The following GRIK4 variants were observed in gnomAD, a reference collection of about 807,000 sequenced individuals.
GRIK4 encodes glutamate receptor ionotropic, kainate 4.
A neutral mutation model predicts 104.9 loss-of-function variants in GRIK4; 40 were observed. The ratio of observed to expected loss-of-function variants is 0.38; its 90% CI spans 0.30 to 0.50. The LOEUF is 0.50. Among genes scored for constraint, GRIK4 ranks in the 20% least tolerant of loss-of-function variants. The probability of loss-of-function intolerance (pLI) is 0.93; values close to 1 mark genes in which losing one functional copy is unlikely to be tolerated. For missense variants in GRIK4, 1,047 were observed against 1,308.1 expected (o/e 0.80, Z 3.08); for synonymous variants, 485 against 524.9 (o/e 0.92, Z 1.04).
intron 1 of GRIK4, among the ~76,000 whole-genome samples, chr11:120,532,750 G>A (rs1444553107): frequency 2.6e-5 from 4 of 152,202 alleles, no homozygotes; most frequent in South Asian, 2.1e-4. Context: ...CTCAACCAGA[G>A]TTTTCTGAAG....
At chr11:120,548,981 G>A (rs1478484484) in intron 1 of GRIK4, among the ~76,000 whole-genome samples, 5 of 152,218 alleles carry the variant, frequency 3.3e-5, no homozygotes, top group Non-Finnish European at 7.3e-5. Context: ...GCTTGACCTA[G>A]CTCCAGGCAG....
intron 1 of GRIK4, among the ~76,000 whole-genome samples, chr11:120,556,584 A>G (rs1052604520): frequency 3.3e-5 from 5 of 152,190 alleles, no homozygotes; most frequent in Middle Eastern, 3.4e-3. Flanking sequence ...CTTTTGGATC[A>G]GCCTGGTTTC....
Position 120,658,279 on chromosome 11 carries a change from G to A in GRIK4, c.-50-1990G>A, listed in dbSNP as rs12789161. Among the ~76,000 whole-genome samples the A allele has an allele frequency of 1.4e-3, 218 of 151,800 alleles. 1 individual carries two copies. Among genetic ancestry groups the A allele is most frequent in the Non-Finnish European group, 2.4e-3 (166 of 67,964 alleles). ...TGCATATATAATGTATTTCTCCATC[G>A]TGCTGCTGGACATTTGGGTGGTTTC... On this transcript the variant is annotated intron_variant, in intron 2 of 20. Transcript: ENST00000527524.
intron 3 of GRIK4, among the ~76,000 whole-genome samples, chr11:120,748,581 G>A (rs1951489344): frequency 6.6e-6 from 1 of 152,134 alleles, no homozygotes; most frequent in Non-Finnish European, 1.5e-5. Context: ...ATAGAAGAGA[G>A]TGAGGAAGGA....
intron 3 of GRIK4, among the ~76,000 whole-genome samples, chr11:120,732,664 T>C (rs1437534469): frequency 1.3e-5 from 2 of 152,204 alleles, no homozygotes; most frequent in Non-Finnish European, 2.9e-5. Context: ...CCTCTTGTTA[T>C]TGATTTGTAG....
chr11:120,960,721 G>C (rs1032840024), intron 16 of GRIK4, among the ~76,000 whole-genome samples, 188 bp from the exon 17 acceptor site: 7 of 152,216 alleles, frequency 4.6e-5, no homozygotes, highest in African/African-American at 1.7e-4. Flanking sequence ...TCCAGGCAGT[G>C]CTCACAAACG....
At chr11:120,525,840 C>A (rs947315508) in intron 1 of GRIK4, among the ~76,000 whole-genome samples, 5 of 151,942 alleles carry the variant, frequency 3.3e-5, no homozygotes, top group African/African-American at 1.2e-4. Flanking sequence ...GAGTTAGAGT[C>A]CCTCTCTCTA....
At chr11:120,530,435 G>A (rs1244803648) in intron 1 of GRIK4, among the ~76,000 whole-genome samples, 1 of 152,086 alleles carries the variant, frequency 6.6e-6, no homozygotes, top group Non-Finnish European at 1.5e-5. Context: ...CTGCACTCTG[G>A]TCCAGTTTGG....
At position 120,549,890 on chromosome 11, in the gene GRIK4, C is replaced by T. The variant is rs180949287; in HGVS notation, c.-159+38003C>T. Among the ~76,000 whole-genome samples, 49 of 152,254 alleles carry T rather than the reference C, an allele frequency of 3.2e-4. No individual in the cohort carries two copies. The highest frequency in any genetic ancestry group is 9.4e-4 in the African/African-American group (39 of 41,540). ...TGCTGGATGTTGAGATGTGAACCTGCGAGGTAGACGGCAGCCTCAGCCATT... is the reference window on the plus strand; with the variant it reads ...TGCTGGATGTTGAGATGTGAACCTGTGAGGTAGACGGCAGCCTCAGCCATT... On this transcript the variant is annotated intron_variant, in intron 1 of 20. Transcript: ENST00000527524. This position sits in a 1 kb window ranked among gnomAD's most constrained non-coding sequence, Gnocchi z 4.7.
At chr11:120,673,949 A>G (rs1021241446) in intron 3 of GRIK4, among the ~76,000 whole-genome samples, 5 of 152,224 alleles carry the variant, frequency 3.3e-5, no homozygotes, top group South Asian at 2.1e-4. Flanking sequence ...TGGTTTTTCT[A>G]TTGAGCCTGA....
chr11:120,711,761 CT>C (rs1410525026), intron 3 of GRIK4, among the ~76,000 whole-genome samples: 1 of 152,204 alleles, frequency 6.6e-6, no homozygotes, highest in Non-Finnish European at 1.5e-5. Flanking sequence ...TGCAGAAGGC[CT>C]TTTGTGGCTG....
chr11:120,613,384 G>T (rs1047273592), intron 1 of GRIK4, among the ~76,000 whole-genome samples: 4 of 152,190 alleles, frequency 2.6e-5, no homozygotes, highest in Non-Finnish European at 5.9e-5. Context: ...GGGAAGGGGG[G>T]CTGTCTGCTT....
rs1944103422 is a variant in GRIK4, at chr11:120,954,832, A to ACACAC, written c.1700+1868_1700+1869insCACAC. On this transcript the variant is annotated intron_variant, in intron 15 of 20. Coordinates refer to ENST00000527524, the MANE Select transcript of GRIK4 (RefSeq NM_014619.5). ...ACACACACACACACACACACACACA[A>ACACAC]ACAATACTGGAGTCTAGGGTATTCT... 4.4e-3 allele frequency among the ~76,000 whole-genome samples: 35 copies of ACACAC among 7,960 alleles called. 1 individual carries two copies. Among genetic ancestry groups the ACACAC allele is most frequent in the Non-Finnish European group, 7.8e-3 (27 of 3,466 alleles). 5.2% of individuals were successfully genotyped at this position (7,960 alleles called of 152,430 possible). A position where few individuals can be genotyped will look rare whatever the true frequency, so the allele number is the denominator to read the frequency against.
Position 120,987,467 on chromosome 11 carries a change from G to C in GRIK4, c.*1207G>C, listed in dbSNP as rs867676827. The C allele has an allele frequency of 6.6e-6, 1 of 152,214 alleles. No individual in the cohort carries two copies. Among genetic ancestry groups the C allele is most frequent in the Admixed American group, 6.5e-5 (1 of 15,280 alleles). 9.4% of individuals were successfully genotyped at this position (152,214 alleles called of 1,614,324 possible). On this transcript the variant is annotated 3_prime_UTR_variant, in exon 21 of 21. Coordinates refer to ENST00000527524, the MANE Select transcript of GRIK4 (RefSeq NM_014619.5). The stretch of plus-strand genomic sequence containing the variant: ...AGTGTATGTGTGTGTATGTGTGCGC[G>C]CGTGTGCGTGTGTGTATTTATTCAA...
intron 1 of GRIK4, among the ~76,000 whole-genome samples, chr11:120,554,938 C>T (rs1427624980): frequency 6.6e-6 from 1 of 152,152 alleles, no homozygotes; most frequent in African/African-American, 2.4e-5. Context: ...GTCTGCCCTG[C>T]CTGGTGGGTG....
In GRIK4 at chr11:120,559,036, C is replaced by T. The variant is rs894312435; in HGVS notation, c.-159+47149C>T. ...AGCAAGTGACCAGAGCTATTTAGGA[C>T]CAGGCCAAGGGAGATGGAGAAGCCT... On this transcript the variant is annotated intron_variant, in intron 1 of 20. Transcript: ENST00000527524. Among the ~76,000 whole-genome samples, 3 of 152,174 alleles carry T rather than the reference C, an allele frequency of 2.0e-5. No homozygotes were observed. In the East Asian group the frequency reaches 5.8e-4, roughly 29 times the overall value.
intron 1 of GRIK4, among the ~76,000 whole-genome samples, chr11:120,569,536 C>T (rs531496572): frequency 6.6e-6 from 1 of 152,236 alleles, no homozygotes; most frequent in Non-Finnish European, 1.5e-5. Context: ...CTCTCATGCC[C>T]CCATTTCTAT....
intron 3 of GRIK4, among the ~76,000 whole-genome samples, chr11:120,742,480 C>G (rs146024760): frequency 6.6e-6 from 1 of 151,028 alleles, no homozygotes; most frequent in African/African-American, 2.4e-5. Context: ...CCACGAGATA[C>G]CATCTCACAC....
At chr11:120,845,411 T>C (rs1157905801) in intron 8 of GRIK4, among the ~76,000 whole-genome samples, 2 of 152,200 alleles carry the variant, frequency 1.3e-5, no homozygotes, top group Non-Finnish European at 2.9e-5. Flanking sequence ...TTAGTAAATA[T>C]TATTTCCCTT....
Sources: allele counts gnomAD v4.1 joint callset (sites outside exome capture counted in the v4.1 genomes callset), GRCh38; gene constraint gnomAD v4.1.1; non-coding constraint Gnocchi (gnomAD v3.1); transcripts MANE v1.5; gene names NCBI Gene and HGNC (gene_info 2026-07-23, HGNC 2026-07-21).